The following RUFY1 variants were observed in gnomAD, a reference collection of about 807,000 sequenced individuals.
RUFY1 encodes the protein RUN and FYVE domain containing 1, also known as RUN and FYVE domain-containing protein 1.
Under a neutral mutation model 94.6 loss-of-function variants are expected in RUFY1, and 54 were observed. That is an observed-to-expected ratio of 0.57 (90% CI 0.46 to 0.72). The LOEUF (loss-of-function observed/expected upper bound fraction) is 0.72. RUFY1 is among the 30% of genes least tolerant of loss of function. RUFY1 has a pLI of 0.00. For missense variants in RUFY1, 883 were observed against 883.9 expected, an observed-to-expected ratio of 1.00 and a Z score of 0.01; for synonymous variants, 396 against 347.3, an observed-to-expected ratio of 1.14 and a Z score of -1.56.
intron 8 of RUFY1, among the ~76,000 whole-genome samples, chr5:179,589,177 T>G (rs1764842926): frequency 1.3e-5 from 2 of 152,194 alleles, no homozygotes; most frequent in African/African-American, 4.8e-5. Flanking sequence ...TTTTATTGAG[T>G]ACATGTTTGT....
intron 15 of RUFY1, among the ~76,000 whole-genome samples, chr5:179,605,446 A>T (rs73810811): frequency 6.6e-6 from 1 of 152,220 alleles, no homozygotes; most frequent in Non-Finnish European, 1.5e-5. Flanking sequence ...TGGCTATGCC[A>T]TCTGAGCCTT....
At chr5:179,590,518 T>TCTGTCGCCCAGGCTGGAGTGCAGTGGC in intron 9 of RUFY1, among the ~76,000 whole-genome samples, 1 of 151,470 alleles carries the variant, frequency 6.6e-6, no homozygotes, top group Middle Eastern at 3.4e-3. Flanking sequence ...AGAGTCTCCC[T>TCTGTCGCCCAGGCTGGAGTGCAGTGGC]CTGTCGCCCA....
At chr5:179,607,705 C>T (rs1475411155) in intron 17 of RUFY1, 46 bp downstream of exon 17, 7 of 1,493,420 alleles carry the variant, frequency 4.7e-6, no homozygotes, top group South Asian at 3.4e-5. Flanking sequence ...GAGTCGTTGC[C>T]CGCTGGATTC....
chr5:179,608,345 AGG>A, intron 17 of RUFY1: 1 of 985,848 alleles, frequency 1.0e-6, no homozygotes, highest in African/African-American at 1.7e-5. Context: ...CCCGAGTTTC[AGG>A]CAGTGCCTTG....
At chr5:179,589,373 T>C (rs1764856531) in intron 8 of RUFY1, 173 bp from the exon 9 acceptor site, 1 of 576,178 alleles carries the variant, frequency 1.7e-6, no homozygotes, top group Admixed American at 3.0e-5. Context: ...CTACATACAT[T>C]TTCATGTCTT....
chr5:179,556,655 C>T (rs1762131540), intron 1 of RUFY1, among the ~76,000 whole-genome samples: 1 of 152,108 alleles, frequency 6.6e-6, no homozygotes, highest in African/African-American at 2.4e-5. Context: ...TGCACGCCAG[C>T]ACGCCCAGCT....
Position 179,550,894 on chromosome 5 carries a change from G to A in RUFY1, c.310+15G>A, listed in dbSNP as rs1309839539. The A allele has an allele frequency of 2.7e-5, 30 of 1,130,282 alleles. No homozygotes were observed. The highest frequency in any genetic ancestry group is 9.9e-5 in the Admixed American group (2 of 20,208). The allele number at this position is 1,130,282 out of a possible 1,614,324, so 70.0% of individuals were successfully genotyped here. A position where few individuals can be genotyped will look rare whatever the true frequency, so the allele number is the denominator to read the frequency against. On this transcript the variant is annotated intron_variant, in intron 1 of 17. Coordinates refer to ENST00000319449, the MANE Select transcript of RUFY1 (RefSeq NM_025158.5). ...GGCGCGCGCAGGTAGGCTCGGGCCG[G>A]GTCTGTCCCGCGGCGGACTCGCGTG...
At chr5:179,558,764 T>C (rs1453540350) in intron 1 of RUFY1, among the ~76,000 whole-genome samples, 2 of 152,096 alleles carry the variant, frequency 1.3e-5, no homozygotes. Flanking sequence ...TTTAAGACCT[T>C]TACTACAAGT....
intron 5 of RUFY1, chr5:179,572,416 C>T: frequency 5.2e-6 from 1 of 193,576 alleles, no homozygotes; most frequent in Non-Finnish European, 1.1e-5. Context: ...CTTGGATCAA[C>T]AACCCCCAGA....
Position 179,567,466 on chromosome 5 carries a change from C to A in RUFY1, c.608C>A (p.Ala203Asp), listed in dbSNP as rs750133507. 3.7e-6 allele frequency: 6 copies of A among 1,612,356 alleles called. No individual in the cohort carries two copies. Among genetic ancestry groups the A allele is most frequent in the Non-Finnish European group, 5.1e-6 (6 of 1,178,434 alleles). Residue 203 changes from alanine to aspartate, a missense_variant, in exon 4 of 18, where the codon GCT (alanine) becomes GAT (aspartate). Ala to Asp is a moderately radical substitution (Grantham distance 126, BLOSUM62 -2). Transcript: ENST00000319449. Reference protein sequence around the residue: ...SVRNLPELKTAVGRGRAWLYL... With the variant: ...SVRNLPELKTDVGRGRAWLYL... The stretch of plus-strand genomic sequence containing the variant: ...ATTCTCTGTTTGAATTCTAGGACAG[C>A]TGTGGGAAGAGGCCGAGCGTGGCTT...
chr5:179,570,047 AT>A (rs34540241), intron 5 of RUFY1, among the ~76,000 whole-genome samples: 59,983 of 138,250 alleles, frequency 0.43, 12,423 homozygotes, highest in East Asian at 0.73. Context: ...CCCGGCCTGT[AT>A]TTTTTTTTTT....
chr5:179,550,616 T>C lies in RUFY1; in HGVS notation c.47T>C (p.Leu16Pro). 7.7e-7 allele frequency: 1 copy of C among 1,302,408 alleles called. No homozygotes were observed. The highest frequency in any genetic ancestry group is 9.7e-7 in the Non-Finnish European group (1 of 1,036,014). 80.7% of individuals were successfully genotyped at this position (1,302,408 alleles called of 1,614,324 possible). ...TGCGCTGCTGGGCGGGGGCGGGAGC[T>C]GGAGCCGGAGCTGGAGCCGGGGCCG... ...GGCAAGRGRE[L>P]EPELEPGPGP... The change falls in exon 1 of 18, where the codon CTG (leucine) becomes CCG (proline). Residue 16 changes from leucine (L) to proline (P), a missense_variant. Leu to Pro is a moderately conservative substitution (Grantham distance 98, BLOSUM62 -3). Transcript: ENST00000319449.
chr5:179,565,811 A>G (rs1270641323), intron 3 of RUFY1, among the ~76,000 whole-genome samples: 1 of 152,158 alleles, frequency 6.6e-6, no homozygotes, highest in East Asian at 1.9e-4. Flanking sequence ...TAAATGTAGA[A>G]TTTTGGTAAC....
intron 8 of RUFY1, among the ~76,000 whole-genome samples, chr5:179,587,594 A>G (rs1213825032): frequency 2.4e-5 from 3 of 126,096 alleles, no homozygotes; most frequent in South Asian, 2.5e-4. Context: ...TAGAGATGGC[A>G]TTTCACCATG....
chr5:179,567,481 G>C lies in RUFY1; in HGVS notation c.623G>C (p.Arg208Pro), dbSNP rs767996315. The C allele has an allele frequency of 6.2e-7, 1 of 1,613,848 alleles. No individual in the cohort carries two copies. The highest frequency in any genetic ancestry group is 2.2e-5 in the East Asian group (1 of 44,892). Reference protein sequence around the residue: ...PELKTAVGRGRAWLYLALMQK... With the variant: ...PELKTAVGRGPAWLYLALMQK... ...TCTAGGACAGCTGTGGGAAGAGGCC[G>C]AGCGTGGCTTTATCTTGCACTCATG... Residue 208 changes from arginine to proline, a missense_variant, in exon 4 of 18, where the codon CGA (arginine) becomes CCA (proline). By Grantham distance (103) the Arg-to-Pro change is moderately radical (BLOSUM62 -2). Transcript: ENST00000319449.
At chr5:179,561,723 C>T (rs1339040485) in intron 2 of RUFY1, among the ~76,000 whole-genome samples, 1 of 127,070 alleles carries the variant, frequency 7.9e-6, no homozygotes, top group African/African-American at 3.0e-5. Context: ...CGCTCTGTCC[C>T]CCAGGCTGGA....
intron 1 of RUFY1, among the ~76,000 whole-genome samples, chr5:179,558,073 C>A (rs1762195129): frequency 6.6e-6 from 1 of 152,066 alleles, no homozygotes; most frequent in South Asian, 2.1e-4. Flanking sequence ...TATATGTATT[C>A]CAATTTCAAG....
Position 179,605,869 on chromosome 5 carries a change from T to A in RUFY1, c.1857-7T>A, listed in dbSNP as rs201059136. The A allele has an allele frequency of 1.9e-6, 3 of 1,599,628 alleles. No individual in the cohort carries two copies. The South Asian group carries it at 3.3e-5, about 18-fold the overall frequency. On this transcript the variant is annotated splice_region_variant and splice_polypyrimidine_tract_variant and intron_variant, in intron 15 of 17. Coordinates refer to ENST00000319449, the MANE Select transcript of RUFY1 (RefSeq NM_025158.5). ...CTGCTATGAAATGGCCTTTTTTTTT[T>A]CCTTAGGTCCAAGCTGAAGATGGAA...
chr5:179,552,182 A>AAAAAC (rs1554113237), intron 1 of RUFY1, among the ~76,000 whole-genome samples: 1 of 149,846 alleles, frequency 6.7e-6, no homozygotes, highest in African/African-American at 2.5e-5. Context: ...AAAAAAAAAA[A>AAAAAC]AAAAACTTGT....
Sources: allele counts gnomAD v4.1 joint callset (sites outside exome capture counted in the v4.1 genomes callset), GRCh38; gene constraint gnomAD v4.1.1; transcripts MANE v1.5; gene names NCBI Gene and HGNC (gene_info 2026-07-23, HGNC 2026-07-21).